Variants in NTM observed in about 807,000 individuals in gnomAD.
NTM encodes IgLON family member 2.
A neutral mutation model predicts 42.1 loss-of-function variants in NTM; 13 were observed. That is an observed-to-expected ratio of 0.31 (90% CI 0.20 to 0.49). The LOEUF (loss-of-function observed/expected upper bound fraction) is 0.49, where lower values mean the gene tolerates loss of function less well. Ranked by LOEUF, NTM falls within the 20% of genes least tolerant of loss-of-function variation. The pLI is 0.99. For synonymous variants in NTM, 187 were observed against 179.2 expected (o/e 1.04, Z -0.35); for missense variants, 373 against 452.8 (o/e 0.82, Z 1.60).
intron 2 of NTM, among the ~76,000 whole-genome samples, chr11:131,973,877 A>G (rs2063924662): frequency 6.6e-6 from 1 of 152,146 alleles, no homozygotes; most frequent in South Asian, 2.1e-4. Flanking sequence ...AATATGCACA[A>G]CATGGGCTTG....
intron 1 of NTM, among the ~76,000 whole-genome samples, chr11:131,573,291 C>T (rs1270748679): frequency 7.0e-6 from 1 of 142,542 alleles, no homozygotes; most frequent in Non-Finnish European, 1.5e-5. Context: ...TCATTGTGTC[C>T]CTAAGCCACA....
intron 1 of NTM, among the ~76,000 whole-genome samples, chr11:131,651,841 G>GC (rs1324059396): frequency 1.9e-4 from 11 of 59,166 alleles, no homozygotes; most frequent in South Asian, 6.7e-4. Flanking sequence ...CTCCGTCCCC[G>GC]CCCCCCCGAC....
intron 1 of NTM, among the ~76,000 whole-genome samples, chr11:131,707,066 G>A (rs908711694): frequency 1.3e-5 from 2 of 151,804 alleles, no homozygotes; most frequent in Admixed American, 6.6e-5. Context: ...CTATGTAATA[G>A]ATCACTAAAA....
intron 3 of NTM, among the ~76,000 whole-genome samples, chr11:132,174,726 G>T (rs2076554126): frequency 6.6e-6 from 1 of 151,924 alleles, no homozygotes; most frequent in Non-Finnish European, 1.5e-5. Context: ...TCGACGGCTG[G>T]GCTGTATAAT....
chr11:131,849,447 G>A (rs977009902), intron 1 of NTM, among the ~76,000 whole-genome samples: 1 of 150,644 alleles, frequency 6.6e-6, no homozygotes, highest in Non-Finnish European at 1.5e-5. Flanking sequence ...AGGCAAGAGC[G>A]AGAGAGAGAG....
At chr11:131,911,674 A>G (rs1418762125) in intron 2 of NTM, 26 bp downstream of exon 2, 2 of 1,613,628 alleles carry the variant, frequency 1.2e-6, no homozygotes, top group Non-Finnish European at 8.5e-7. Context: ...TGTTCTGCGA[A>G]CTGATGGTTT....
chr11:131,814,830 C>T (rs1444021934), intron 1 of NTM, among the ~76,000 whole-genome samples: 1 of 152,160 alleles, frequency 6.6e-6, no homozygotes, highest in Non-Finnish European at 1.5e-5. Context: ...GAAACCTGGG[C>T]TTTCATCTTG....
chr11:131,982,525 C>T (rs2065412033), intron 2 of NTM, among the ~76,000 whole-genome samples: 1 of 152,048 alleles, frequency 6.6e-6, no homozygotes, highest in Non-Finnish European at 1.5e-5. Context: ...CTTCTGGCTT[C>T]TTCCAGCCAG....
intron 1 of NTM, among the ~76,000 whole-genome samples, chr11:131,519,933 T>G (rs1232403997): frequency 6.6e-6 from 1 of 150,834 alleles, no homozygotes; most frequent in Non-Finnish European, 1.5e-5. Flanking sequence ...TCTTTAGTTT[T>G]ATTTCTTGGT....
chr11:131,560,301 G>T (rs972978488), intron 1 of NTM, among the ~76,000 whole-genome samples: 4 of 152,180 alleles, frequency 2.6e-5, no homozygotes, highest in African/African-American at 9.7e-5. Flanking sequence ...AGATTGCAGA[G>T]ATAGCTACCT....
chr11:131,615,435 G>A (rs960015496), intron 1 of NTM, among the ~76,000 whole-genome samples: 12 of 151,968 alleles, frequency 7.9e-5, no homozygotes, highest in African/African-American at 2.4e-4. Flanking sequence ...GTGCAATCTC[G>A]GTTCACTGAA....
chr11:132,146,588 G>GTTGAGGATCAGAGAACAA lies in NTM; in HGVS notation c.400+74_400+75insTTGAGGATCAGAGAACAA. On this transcript the variant is annotated intron_variant, in intron 3 of 8. Coordinates refer to ENST00000683400, the MANE Select transcript of NTM (RefSeq NM_001352005.2). The surrounding 1 kb of genome is among the most constrained non-coding windows in gnomAD (Gnocchi z 4.5). ...GCCTTCAGGTAAAGGTTTGTTCTCT[G>GTTGAGGATCAGAGAACAA]ATCCTCAACAGAGATGAGTTATCCT... 6.8e-7 allele frequency: 1 copy of GTTGAGGATCAGAGAACAA among 1,480,252 alleles called. No individual in the cohort carries two copies. Among genetic ancestry groups the GTTGAGGATCAGAGAACAA allele is most frequent in the Non-Finnish European group, 9.2e-7 (1 of 1,082,066 alleles). The allele number at this position is 1,480,252 out of a possible 1,614,324, so 91.7% of individuals were successfully genotyped here. A position where few individuals can be genotyped will look rare whatever the true frequency, so the allele number is the denominator to read the frequency against.
At chr11:131,384,069 T>A (rs1315702069) in intron 1 of NTM, among the ~76,000 whole-genome samples, 1 of 152,098 alleles carries the variant, frequency 6.6e-6, no homozygotes, top group African/African-American at 2.4e-5. Flanking sequence ...GAGGTGGGTT[T>A]TAGAGAGATA....
intron 2 of NTM, among the ~76,000 whole-genome samples, chr11:132,138,404 A>G (rs1285647689): frequency 6.6e-6 from 1 of 152,216 alleles, no homozygotes. Context: ...ACAAACAATA[A>G]GGAAGGGCAT....
At chr11:131,688,938 A>G (rs371365652) in intron 1 of NTM, among the ~76,000 whole-genome samples, 1 of 152,160 alleles carries the variant, frequency 6.6e-6, no homozygotes, top group African/African-American at 2.4e-5. Flanking sequence ...TTTCCTTAGG[A>G]TTGTTAGAGC....
intron 1 of NTM, among the ~76,000 whole-genome samples, chr11:131,581,703 G>A (rs982266492): frequency 6.6e-6 from 1 of 152,124 alleles, no homozygotes; most frequent in South Asian, 2.1e-4. Context: ...AAGTGACTCC[G>A]TTCTGGTTTT....
At chr11:131,654,423 G>C (rs2658809) in intron 1 of NTM, among the ~76,000 whole-genome samples, 133,799 of 152,036 alleles carry the variant, frequency 0.88, 59,010 homozygotes, top group African/African-American at 0.91. Flanking sequence ...AAAGCAACTC[G>C]TCCAGTCCCG....
At chr11:131,460,066 C>T (rs1951236067) in intron 1 of NTM, among the ~76,000 whole-genome samples, 1 of 152,106 alleles carries the variant, frequency 6.6e-6, no homozygotes, top group Admixed American at 6.6e-5. Flanking sequence ...TGTGTAATTT[C>T]CCGAAAAGTT....
At chr11:131,702,736 C>T (rs2076201822) in intron 1 of NTM, among the ~76,000 whole-genome samples, 1 of 152,138 alleles carries the variant, frequency 6.6e-6, no homozygotes, top group African/African-American at 2.4e-5. Flanking sequence ...GTTGGAATGG[C>T]TTTCTGAGAG....
Sources: gnomAD v4.1 joint callset for allele counts (sites outside exome capture counted in the v4.1 genomes callset) on GRCh38, gnomAD v4.1.1 for gene constraint, Gnocchi (gnomAD v3.1) non-coding constraint, MANE v1.5 for transcripts, NCBI Gene and HGNC (gene_info 2026-07-23, HGNC 2026-07-21) for gene names.